Variants in GMIP observed in about 807,000 individuals in gnomAD.
GMIP encodes GEM-interacting protein.
Under a neutral mutation model 105.3 loss-of-function variants are expected in GMIP, and 54 were observed. The observed-to-expected ratio is 0.51, with a 90% CI of 0.41 to 0.64. GMIP has a LOEUF of 0.64. Ranked by LOEUF, GMIP falls within the 30% of genes least tolerant of loss-of-function variation. The pLI, the probability that GMIP is intolerant of heterozygous loss-of-function variation, is 0.00. For synonymous variants in GMIP, 541 were observed against 560.8 expected (o/e 0.96, Z 0.50); for missense variants, 1,110 against 1,319.4 (o/e 0.84, Z 2.46).
Position 19,634,469 on chromosome 19 carries a change from A to G in GMIP, c.2084+38T>C, listed in dbSNP as rs1273238341. 1.6e-5 allele frequency: 24 copies of G among 1,542,332 alleles called. No individual in the cohort carries two copies. The highest frequency in any genetic ancestry group is 2.1e-5 in the Non-Finnish European group (24 of 1,134,012). On this transcript the variant is annotated intron_variant, in intron 18 of 20. Coordinates refer to ENST00000203556, the MANE Select transcript of GMIP (RefSeq NM_016573.4). The surrounding 1 kb of genome is among the most constrained non-coding windows in gnomAD (Gnocchi z 6.1). ...AAGTTAGTAGTCGCATGTCCAGGGA[A>G]AAGGGTCGCGTTTCAAGGCTCAGGG...
intron 4 of GMIP, 103 bp downstream of exon 4, chr19:19,641,707 C>A (rs1049735477): frequency 1.1e-6 from 1 of 905,284 alleles, no homozygotes; most frequent in Non-Finnish European, 1.8e-6. Context: ...GCCATATTCC[C>A]AAAACCTAAA....
At chr19:19,638,590 T>C (rs2061884292) in intron 7 of GMIP, 108 bp from the exon 8 acceptor site, 2 of 873,802 alleles carry the variant, frequency 2.3e-6, no homozygotes, top group African/African-American at 1.7e-5. Context: ...CTCTGGACTC[T>C]ATTTTTTTTT....
Position 19,634,560 on chromosome 19 carries a change from C to G in GMIP, c.2031G>C (p.Gln677His). 1 of 1,613,618 alleles carries G rather than the reference C, an allele frequency of 6.2e-7. No homozygotes were observed. Among genetic ancestry groups the G allele is most frequent in the Non-Finnish European group, 8.5e-7 (1 of 1,179,880 alleles). ...VIRSLKTLLV[Q>H]LPDSNYNTLR... ...GGGTGTTGTAGTTAGAGTCAGGCAG[C>G]TGTACCAAGAGGGTCTTCAGCGAGC... Residue 677 changes from glutamine to histidine, a missense_variant, in exon 18 of 21, where the codon CAG becomes CAC. Physicochemically the swap from Gln to His is conservative, Grantham distance 24. Around this residue, in one of 3 missense-constraint regions of GMIP, gnomAD observed 394 missense variants for 450.5 expected, o/e 0.87. Transcript: ENST00000203556. The surrounding 1 kb of genome is among the most constrained non-coding windows in gnomAD (Gnocchi z 6.1).
At chr19:19,632,176 C>T (rs2144836576) in intron 19 of GMIP, among the ~76,000 whole-genome samples, 1 of 152,174 alleles carries the variant, frequency 6.6e-6, no homozygotes, top group South Asian at 2.1e-4. Flanking sequence ...TGCCTGTAAT[C>T]CCAACTACTC....
rs1054107738 is a variant in GMIP at position 19,637,753 on chromosome 19, G to C, written c.927+167C>G. Among the ~76,000 whole-genome samples the C allele has an allele frequency of 6.6e-6, 1 of 152,232 alleles. No homozygotes were observed. The highest frequency in any genetic ancestry group is 2.4e-5 in the African/African-American group (1 of 41,464). On this transcript the variant is annotated intron_variant, in intron 10 of 20. Coordinates refer to ENST00000203556, the MANE Select transcript of GMIP (RefSeq NM_016573.4). The surrounding 1 kb of genome is among the most constrained non-coding windows in gnomAD (Gnocchi z 6.7). The stretch of plus-strand genomic sequence containing the variant: ...GCAGGGGCTGGTCATCCAGGGGACA[G>C]GACCTCATGGGGCGGAGCCGAGACA...
rs113682008 is a variant in GMIP, at chr19:19,643,631, C to A, written c.-102G>T. ...CCTGCCGCCGCAGCCGCCGCCGCCG[C>A]CTCGGTTCCGCGTCGCCCTGCCCAG... On this transcript the variant is annotated 5_prime_UTR_variant, in exon 1 of 21. Coordinates refer to ENST00000203556, the MANE Select transcript of GMIP (RefSeq NM_016573.4). 1.9e-6 allele frequency: 2 copies of A among 1,058,362 alleles called. No homozygotes were observed. The highest frequency in any genetic ancestry group is 2.7e-6 in the Non-Finnish European group (2 of 738,618). The allele number at this position is 1,058,362 out of a possible 1,614,324, so 65.6% of individuals were successfully genotyped here.
At position 19,642,608 on chromosome 19, in the gene GMIP, C is replaced by T. The variant is rs940118123; in HGVS notation, c.31G>A (p.Gly11Ser). MDAAEPGLPP[G>S]PEGRKRYSDI... ...CTGTACCTCTTCCTGCCCTCAGGAC[C>T]TGGGGGGAGTCCTAGGGGAGGGGAG... Residue 11 changes from glycine (G) to serine (S), a missense_variant, in exon 2 of 21, where the codon GGT (glycine) becomes AGT (serine). Transcript: ENST00000203556. The T allele has an allele frequency of 1.4e-5, 22 of 1,598,662 alleles. No individual in the cohort carries two copies. Among genetic ancestry groups the T allele is most frequent in the Non-Finnish European group, 1.9e-5 (22 of 1,167,008 alleles).
rs781015469 is a variant in GMIP, at chr19:19,634,109, C to G, written c.2166G>C (p.Pro722=). 1.2e-6 allele frequency: 2 copies of G among 1,612,670 alleles called. No individual in the cohort carries two copies. Among genetic ancestry groups the G allele is most frequent in the Non-Finnish European group, 1.7e-6 (2 of 1,179,592 alleles). ...IVFGPTLLRP[P]DGPRAASAIP... ...TGGCGCTGGCTGCCCGCGGGCCGTC[C>G]GGCGGCCGCAGCAGTGTCGGCCCAA... The change falls in exon 19 of 21, where the codon CCG becomes CCC. Residue 722 remains proline, a synonymous_variant. Transcript: ENST00000203556. This position sits in a 1 kb window ranked among gnomAD's most constrained non-coding sequence, Gnocchi z 6.1.
In GMIP at chr19:19,637,248, G is replaced by A. The variant is rs1479287009; in HGVS notation, c.1124+117C>T. The stretch of plus-strand genomic sequence containing the variant: ...CTCCTATGGCCCCCGAGAGCCTGGA[G>A]TACTAAATTCCACTAAGGCTTTGCG... On this transcript the variant is annotated intron_variant, in intron 11 of 20. Transcript: ENST00000203556. This position sits in a 1 kb window ranked among gnomAD's most constrained non-coding sequence, Gnocchi z 6.7. 32 of 766,762 alleles carry A rather than the reference G, an allele frequency of 4.2e-5. No homozygotes were observed. The Admixed American group carries it at 8.6e-4, about 21-fold the overall frequency. The allele number at this position is 766,762 out of a possible 1,614,324, so 47.5% of individuals were successfully genotyped here.
At chr19:19,639,816 C>T (rs1384438358) in intron 7 of GMIP, among the ~76,000 whole-genome samples, 3 of 152,038 alleles carry the variant, frequency 2.0e-5, no homozygotes, top group African/African-American at 7.2e-5. Context: ...ACCATTGCAC[C>T]CCAGCCTGGG....
At chr19:19,632,397 G>C (rs1458187323) in intron 19 of GMIP, among the ~76,000 whole-genome samples, 2 of 152,056 alleles carry the variant, frequency 1.3e-5, no homozygotes, top group Non-Finnish European at 2.9e-5. Context: ...GTAGGGGGTT[G>C]GAGACCAGCC....
chr19:19,642,749 G>C (rs531887688), intron 1 of GMIP, 130 bp from the exon 2 acceptor site: 6 of 513,320 alleles, frequency 1.2e-5, no homozygotes, highest in Admixed American at 6.1e-5. Context: ...GGCTGGGGGG[G>C]GCTTGGTTGG....
rs1393387413 is a variant in GMIP, at chr19:19,634,162, T to C, written c.2113A>G (p.Met705Val). 2.5e-6 allele frequency: 4 copies of C among 1,604,604 alleles called. No homozygotes were observed. The highest frequency in any genetic ancestry group is 2.2e-5 in the East Asian group (1 of 44,584). ...ACAATGCCCAGGTTGTTGGCAGACA[T>C]CTTGTTTTCCATAAATCGTGCAGCC... ...RVAARFMENKMSANNLGIVFG... is the reference protein window; with the variant it reads ...RVAARFMENKVSANNLGIVFG... The change falls in exon 19 of 21, where the codon ATG becomes GTG. Residue 705 changes from methionine to valine, a missense_variant. This residue lies in a region of GMIP where 394 missense variants were observed against 450.5 expected (regional missense o/e 0.87). Coordinates refer to ENST00000203556, the MANE Select transcript of GMIP (RefSeq NM_016573.4). The surrounding 1 kb of genome is among the most constrained non-coding windows in gnomAD (Gnocchi z 6.1).
chr19:19,642,417 G>C, intron 2 of GMIP, 118 bp downstream of exon 2: 1 of 699,046 alleles, frequency 1.4e-6, no homozygotes, highest in East Asian at 2.5e-5. Flanking sequence ...GACTTCTCTG[G>C]TTATTAGGTA....
intron 19 of GMIP, among the ~76,000 whole-genome samples, chr19:19,633,420 C>G (rs2061816095): frequency 6.6e-6 from 1 of 152,222 alleles, no homozygotes; most frequent in South Asian, 2.1e-4. Flanking sequence ...TTCCAGATAA[C>G]TGACTTTGTG....
chr19:19,635,342 G>A lies in GMIP; in HGVS notation c.1560+73C>T. 4 of 1,564,022 alleles carry A rather than the reference G, an allele frequency of 2.6e-6. No individual in the cohort carries two copies. Among genetic ancestry groups the A allele is most frequent in the South Asian group, 1.2e-5 (1 of 85,380 alleles). ...TAGGGTGGGTCCCAGGGGCAGAAAG[G>A]CTGTAGGAATCTCAGGTCAGGGAGA... is the stretch of plus-strand genomic sequence containing the variant. On this transcript the variant is annotated intron_variant, in intron 15 of 20. Transcript: ENST00000203556. This position sits in a 1 kb window ranked among gnomAD's most constrained non-coding sequence, Gnocchi z 4.7.
intron 7 of GMIP, among the ~76,000 whole-genome samples, chr19:19,638,693 C>A (rs2061885360): frequency 6.6e-6 from 1 of 151,554 alleles, no homozygotes; most frequent in Non-Finnish European, 1.5e-5. Context: ...CTCTTGAGTT[C>A]AAGCAATCCT....
chr19:19,633,261 T>C (rs557408985), intron 19 of GMIP, among the ~76,000 whole-genome samples: 2 of 152,230 alleles, frequency 1.3e-5, no homozygotes, highest in African/African-American at 4.8e-5. Context: ...TTTCTCCTTA[T>C]TGGTTGGATT....
intron 7 of GMIP, among the ~76,000 whole-genome samples, chr19:19,639,318 C>A (rs1282000222): frequency 6.6e-6 from 1 of 151,338 alleles, no homozygotes; most frequent in Non-Finnish European, 1.5e-5. Context: ...TGGGCTCAAG[C>A]AATCCTCCCT....
Sources: allele counts gnomAD v4.1 joint callset (sites outside exome capture counted in the v4.1 genomes callset), GRCh38; gene constraint gnomAD v4.1.1; regional missense constraint gnomAD v4.1.1; non-coding constraint Gnocchi (gnomAD v3.1); transcripts MANE v1.5; gene names NCBI Gene and HGNC (gene_info 2026-07-23, HGNC 2026-07-21).